Variants in COL4A1 observed in about 807,000 individuals in gnomAD.
The protein encoded by COL4A1 is collagen type IV alpha 1 chain.
COL4A1 carries 40 observed loss-of-function variants against 216.6 expected under a neutral mutation model. The observed-to-expected ratio is 0.18, with a 90% confidence interval of 0.14 to 0.24. The LOEUF (loss-of-function observed/expected upper bound fraction) is 0.24. COL4A1 is among the 10% of genes least tolerant of loss of function. The pLI is 1.00. For synonymous variants in COL4A1, 839 were observed against 810.7 expected (o/e 1.03, Z -0.59); for missense variants, 1,628 against 2,196.8 (o/e 0.74, Z 5.18).
chr13:110,242,246 C>A (rs1027330666), intron 2 of COL4A1, among the ~76,000 whole-genome samples: 12 of 152,102 alleles, frequency 7.9e-5, no homozygotes, highest in African/African-American at 2.9e-4. Context: ...ATAAATAAAT[C>A]TAGACAAGCA....
At chr13:110,296,571 G>A (rs761575214) in intron 1 of COL4A1, among the ~76,000 whole-genome samples, 17 of 152,168 alleles carry the variant, frequency 1.1e-4, no homozygotes, top group Non-Finnish European at 1.9e-4. Flanking sequence ...TTCTGACACC[G>A]GCTGTGTGGG....
At chr13:110,198,976 T>C (rs1020919909) in intron 20 of COL4A1, among the ~76,000 whole-genome samples, 2 of 152,194 alleles carry the variant, frequency 1.3e-5, no homozygotes, top group African/African-American at 4.8e-5. Flanking sequence ...AGAAATGTCA[T>C]TCAACAAAGC....
intron 2 of COL4A1, among the ~76,000 whole-genome samples, chr13:110,239,840 G>A (rs192825978): frequency 2.0e-4 from 30 of 152,256 alleles, no homozygotes; most frequent in African/African-American, 7.2e-4. Context: ...GAACCAGATC[G>A]GAAACCCTAG....
Position 110,211,560 on chromosome 13 carries a change from G to T in COL4A1, c.468+87C>A. 1 of 1,287,034 alleles carries T rather than the reference G, an allele frequency of 7.8e-7. No individual in the cohort carries two copies. The highest frequency in any genetic ancestry group is 1.3e-5 in the South Asian group (1 of 77,590). The allele number at this position is 1,287,034 out of a possible 1,614,324, so 79.7% of individuals were successfully genotyped here. A position where few individuals can be genotyped will look rare whatever the true frequency, so the allele number is the denominator to read the frequency against. On this transcript the variant is annotated intron_variant, in intron 8 of 51. Coordinates refer to ENST00000375820, the MANE Select transcript of COL4A1 (RefSeq NM_001845.6). The surrounding 1 kb of genome is among the most constrained non-coding windows in gnomAD (Gnocchi z 4.3). ...TCAGAAACAATCGATCAGCCAAAGT[G>T]GTTTAAAGAGAATGTGCTTCTATGG...
intron 1 of COL4A1, among the ~76,000 whole-genome samples, chr13:110,292,925 C>T (rs1416071767): frequency 2.6e-5 from 4 of 152,212 alleles, no homozygotes; most frequent in African/African-American, 9.7e-5. Context: ...TAATCTGTGT[C>T]ACTTAACAGC....
At chr13:110,262,192 G>A (rs759450511) in intron 1 of COL4A1, among the ~76,000 whole-genome samples, 2 of 152,158 alleles carry the variant, frequency 1.3e-5, no homozygotes, top group Non-Finnish European at 2.9e-5. Context: ...ACCCCGAGAG[G>A]TGGGGGTCAC....
At chr13:110,251,670 G>A (rs1882078094) in intron 1 of COL4A1, among the ~76,000 whole-genome samples, 1 of 152,238 alleles carries the variant, frequency 6.6e-6, no homozygotes, top group Non-Finnish European at 1.5e-5. Context: ...CGAAAAGTCA[G>A]GGCTGTTCAC....
Position 110,198,506 on chromosome 13 carries a change from G to C in COL4A1, c.1246C>G (p.Pro416Ala), listed in dbSNP as rs773191976. The change falls in exon 21 of 52, where the codon CCT becomes GCT. Residue 416 changes from proline (P) to alanine (A), a missense_variant. Physicochemically the swap from Pro to Ala is conservative, Grantham distance 27 (BLOSUM62 -1). This residue lies in a region of COL4A1 where 701 missense variants were observed against 892.5 expected (regional missense o/e 0.79). Transcript: ENST00000375820. ...TGCCCAGGGGGCCCAGGGGAACCAG[G>C]AGGACCCGGGAGCCCATCTCTTCCA... ...PSGRDGLPGPPGSPGPPGQPG... is the reference protein window; with the variant it reads ...PSGRDGLPGPAGSPGPPGQPG... 1.0e-4 allele frequency: 164 copies of C among 1,613,824 alleles called. No homozygotes were observed. The highest frequency in any genetic ancestry group is 1.3e-4 in the Non-Finnish European group (155 of 1,179,984).
At chr13:110,160,021 G>C (rs866491008) in intron 49 of COL4A1, among the ~76,000 whole-genome samples, 2 of 152,106 alleles carry the variant, frequency 1.3e-5, no homozygotes, top group Admixed American at 6.5e-5. Flanking sequence ...TTCAGGAGAC[G>C]GATGGCGGTG....
intron 1 of COL4A1, among the ~76,000 whole-genome samples, chr13:110,252,016 T>A (rs1033187600): frequency 5.9e-5 from 9 of 152,172 alleles, no homozygotes; most frequent in African/African-American, 2.2e-4. Context: ...TATTAATTCC[T>A]AATCATAAAT....
chr13:110,203,487 C>G (rs913393750), intron 18 of COL4A1, 79 bp downstream of exon 18: 22 of 1,530,612 alleles, frequency 1.4e-5, no homozygotes, highest in Middle Eastern at 1.7e-4. Flanking sequence ...CTTCCTCCCC[C>G]CAGTGCTCTC....
At chr13:110,280,591 G>A (rs1452413413) in intron 1 of COL4A1, among the ~76,000 whole-genome samples, 1 of 152,188 alleles carries the variant, frequency 6.6e-6, no homozygotes, top group East Asian at 1.9e-4. Context: ...GCATGGCATG[G>A]GCTTTACGTA....
intron 1 of COL4A1, among the ~76,000 whole-genome samples, chr13:110,290,176 T>C (rs535273127): frequency 6.6e-6 from 1 of 152,176 alleles, no homozygotes; most frequent in African/African-American, 2.4e-5. Context: ...AATTAAAGCC[T>C]AGTTGAAGGC....
chr13:110,253,221 TTA>T (rs1882269025), intron 1 of COL4A1, among the ~76,000 whole-genome samples: 1 of 134,578 alleles, frequency 7.4e-6, no homozygotes, highest in African/African-American at 2.9e-5. Flanking sequence ...TATGTATGTA[TTA>T]TATATACATA....
rs183760012 is a variant in COL4A1, at chr13:110,211,550, C to A, written c.468+97G>T. The A allele has an allele frequency of 1.3e-5, 15 of 1,184,504 alleles. No homozygotes were observed. In the Admixed American group the frequency reaches 3.1e-4, roughly 25 times the overall value. The allele number at this position is 1,184,504 out of a possible 1,614,324, so 73.4% of individuals were successfully genotyped here. A position where few individuals can be genotyped will look rare whatever the true frequency, so the allele number is the denominator to read the frequency against. The stretch of plus-strand genomic sequence containing the variant: ...GGAAGTGTGTTCAGAAACAATCGAT[C>A]AGCCAAAGTGGTTTAAAGAGAATGT... On this transcript the variant is annotated intron_variant, in intron 8 of 51. Transcript: ENST00000375820. The surrounding 1 kb of genome is among the most constrained non-coding windows in gnomAD (Gnocchi z 4.3).
intron 49 of COL4A1, among the ~76,000 whole-genome samples, chr13:110,157,235 G>A (rs970375552): frequency 2.0e-5 from 3 of 152,176 alleles, no homozygotes; most frequent in African/African-American, 2.4e-5. Context: ...TCAATCCAGC[G>A]GTCTTTTCGT....
intron 1 of COL4A1, among the ~76,000 whole-genome samples, chr13:110,266,976 G>A (rs1007627601): frequency 6.6e-6 from 1 of 152,156 alleles, no homozygotes; most frequent in African/African-American, 2.4e-5. Context: ...AAATTTGAAA[G>A]GAATCCAAAA....
At chr13:110,158,011 C>T (rs1876868846) in intron 49 of COL4A1, among the ~76,000 whole-genome samples, 1 of 152,156 alleles carries the variant, frequency 6.6e-6, no homozygotes, top group African/African-American at 2.4e-5. Context: ...TAGTCTTTTT[C>T]TACCTGTTGT....
At chr13:110,284,582 G>A (rs1883765507) in intron 1 of COL4A1, among the ~76,000 whole-genome samples, 1 of 152,206 alleles carries the variant, frequency 6.6e-6, no homozygotes, top group African/African-American at 2.4e-5. Context: ...AACACATGGA[G>A]AAGTAGCACA....
Sources: gnomAD v4.1 joint callset for allele counts (sites outside exome capture counted in the v4.1 genomes callset) on GRCh38, gnomAD v4.1.1 for gene constraint, gnomAD v4.1.1 regional missense constraint, Gnocchi (gnomAD v3.1) non-coding constraint, MANE v1.5 for transcripts, NCBI Gene and HGNC (gene_info 2026-07-23, HGNC 2026-07-21) for gene names.